The following DST variants were observed in gnomAD, a reference collection of about 807,000 sequenced individuals.
DST encodes the protein dystonin.
Under a neutral mutation model 875.2 loss-of-function variants are expected in DST, and 253 were observed. The observed-to-expected ratio is 0.29, with a 90% CI of 0.26 to 0.32. The LOEUF (loss-of-function observed/expected upper bound fraction) is 0.32. Among genes scored for constraint, DST ranks in the 10% least tolerant of loss-of-function variants. The pLI is 1.00. For synonymous variants in DST, 3,124 were observed against 3,197.1 expected, an observed-to-expected ratio of 0.98 and a Z score of 0.77; for missense variants, 8,287 against 9,111.6, an observed-to-expected ratio of 0.91 and a Z score of 3.68.
intron 31 of DST, 136 bp from the exon 32 acceptor site, chr6:56,629,579 C>T (rs2098760470): frequency 2.9e-6 from 2 of 701,492 alleles, no homozygotes. Flanking sequence ...CTTTCATATG[C>T]ACAATATTAT....
intron 2 of DST, among the ~76,000 whole-genome samples, chr6:56,926,497 G>A (rs1490676886): frequency 1.3e-5 from 2 of 152,178 alleles, no homozygotes; most frequent in Admixed American, 1.3e-4. Flanking sequence ...GAACCACTGT[G>A]TGAGGGAAGC....
intron 3 of DST, among the ~76,000 whole-genome samples, chr6:56,882,442 T>TCA (rs1230873596): frequency 6.6e-6 from 1 of 152,238 alleles, no homozygotes; most frequent in African/African-American, 2.4e-5. Flanking sequence ...TAAATAAAAT[T>TCA]CACAGATAAT....
At chr6:56,671,607 T>A (rs532533208) in intron 9 of DST, among the ~76,000 whole-genome samples, 62 of 152,352 alleles carry the variant, frequency 4.1e-4, no homozygotes, top group African/African-American at 1.4e-3. Context: ...AGCATCTCTT[T>A]GATAAGGGTC....
intron 4 of DST, among the ~76,000 whole-genome samples, chr6:56,825,502 T>TAA (rs749148452): frequency 0.051 from 5,577 of 109,242 alleles, 172 homozygotes; most frequent in Middle Eastern, 0.076. Context: ...CAATAAATAC[T>TAA]AAAAAAAAAA....
intron 90 of DST, among the ~76,000 whole-genome samples, chr6:56,480,178 C>T (rs891566613): frequency 6.6e-6 from 1 of 152,138 alleles, no homozygotes; most frequent in African/African-American, 2.4e-5. Flanking sequence ...AGTCAACGTT[C>T]AATTGACAGC....
rs749593296 is a variant in DST at position 56,529,672 on chromosome 6, C to T, written c.17371G>A (p.Val5791Met). The change falls in exon 66 of 104, where the codon GTG becomes ATG. Residue 5791 changes from valine to methionine, a missense_variant. Physicochemically the swap from Val to Met is conservative, Grantham distance 21. Around this residue, in one of 10 missense-constraint regions of DST, gnomAD observed 777 missense variants for 764.8 expected, o/e 1.02. Transcript: ENST00000680361. ...TGAGAGAAGTCTAATTTACTCTGCACCATATCTTTATCCTCCCTGGAGCTC... is the reference window on the plus strand; with the variant it reads ...TGAGAGAAGTCTAATTTACTCTGCATCATATCTTTATCCTCCCTGGAGCTC... ...VLSSREDKDM[V>M]QSKLDFSQVW... The T allele has an allele frequency of 1.9e-6, 3 of 1,613,726 alleles. No homozygotes were observed. Among genetic ancestry groups the T allele is most frequent in the South Asian group, 2.2e-5 (2 of 91,058 alleles).
intron 2 of DST, among the ~76,000 whole-genome samples, chr6:56,941,362 T>C (rs1402918486): frequency 6.6e-6 from 1 of 152,256 alleles, no homozygotes; most frequent in Non-Finnish European, 1.5e-5. Flanking sequence ...TTGGAGATAT[T>C]ACTGATTCCT....
intron 8 of DST, 128 bp downstream of exon 8, chr6:56,701,760 C>A (rs1243097282): frequency 1.7e-6 from 1 of 576,438 alleles, no homozygotes; most frequent in Non-Finnish European, 3.0e-6. Flanking sequence ...ATATTTGCTT[C>A]ACCAAAGCAC....
At position 56,482,851 on chromosome 6, in the gene DST, C is replaced by T. The variant is rs781409379; in HGVS notation, c.21234G>A (p.Arg7078=). The change falls in exon 89 of 104, where the codon AGG becomes AGA. Residue 7078 remains arginine, a synonymous_variant. Transcript: ENST00000680361. ...GCTTCAGGGCCTGCACACTGCTGGT[C>T]CTCTTCCCCAACTCTTTTTGGAAGG... is the stretch of plus-strand genomic sequence containing the variant. ...HKAFQKELGK[R]TSSVQALKRS... is the part of the protein sequence containing the mutation. 2 of 1,572,500 alleles carry T rather than the reference C, an allele frequency of 1.3e-6. No individual in the cohort carries two copies. Among genetic ancestry groups the T allele is most frequent in the East Asian group, 4.5e-5 (2 of 44,126 alleles).
intron 39 of DST, among the ~76,000 whole-genome samples, chr6:56,609,644 A>T (rs1168531331): frequency 6.6e-6 from 1 of 152,176 alleles, no homozygotes; most frequent in African/African-American, 2.4e-5. Context: ...GTAGATGATG[A>T]TAGTGAGAAA....
At chr6:56,582,742 C>A (rs1369918335) in intron 49 of DST, among the ~76,000 whole-genome samples, 2 of 151,998 alleles carry the variant, frequency 1.3e-5, no homozygotes, top group East Asian at 3.9e-4. Context: ...CTATCTCTCC[C>A]CCCTACCCCC....
At chr6:56,738,247 G>T (rs2099533479) in intron 4 of DST, among the ~76,000 whole-genome samples, 3 of 152,240 alleles carry the variant, frequency 2.0e-5, no homozygotes, top group Admixed American at 1.3e-4. Context: ...TTAAAAATTA[G>T]ATAAAGGGGT....
Position 56,608,228 on chromosome 6 carries a change from T to A in DST, c.6400A>T (p.Thr2134Ser). The A allele has an allele frequency of 6.2e-7, 1 of 1,613,714 alleles. No individual in the cohort carries two copies. The highest frequency in any genetic ancestry group is 2.2e-5 in the East Asian group (1 of 44,876). Residue 2134 changes from threonine (T) to serine (S), a missense_variant, in exon 40 of 104, where the codon ACA becomes TCA. Physicochemically the swap from Thr to Ser is moderately conservative, Grantham distance 58. This residue lies in a region of DST where 3,138 missense variants were observed against 3,116.6 expected (regional missense o/e 1.01). Transcript: ENST00000680361. Reference protein sequence around the residue: ...AKQLGIIDNNTASILKNITLP... With the variant: ...AKQLGIIDNNSASILKNITLP... The stretch of plus-strand genomic sequence containing the variant: ...GTTATATTTTTTAAAATTGATGCTG[T>A]GTTGTTGTCTATAATTCCTAGCTGT...
At chr6:56,489,804 T>C (rs957601680) in intron 85 of DST, among the ~76,000 whole-genome samples, 195 bp from the exon 86 acceptor site, 4 of 152,214 alleles carry the variant, frequency 2.6e-5, no homozygotes, top group East Asian at 1.9e-4. Flanking sequence ...TTAGCATTTG[T>C]GGCTGTGCCC....
chr6:56,794,356 A>G (rs910990078), intron 4 of DST, among the ~76,000 whole-genome samples: 4 of 152,198 alleles, frequency 2.6e-5, no homozygotes, highest in African/African-American at 4.8e-5. Context: ...CTGAAAACAC[A>G]TTACGTTGAC....
At chr6:56,901,645 CTG>C (rs58072124) in intron 2 of DST, among the ~76,000 whole-genome samples, 5 of 151,004 alleles carry the variant, frequency 3.3e-5, no homozygotes, top group African/African-American at 4.9e-5. Flanking sequence ...GTGTGTGTAT[CTG>C]TGTGTGTGTG....
intron 97 of DST, among the ~76,000 whole-genome samples, chr6:56,469,632 T>A (rs1224924343): frequency 6.6e-6 from 1 of 152,142 alleles, no homozygotes; most frequent in Non-Finnish European, 1.5e-5. Context: ...GATTTGAGTA[T>A]TTTCTTGTGA....
intron 53 of DST, among the ~76,000 whole-genome samples, chr6:56,570,584 A>G (rs989729379): frequency 6.6e-6 from 1 of 152,164 alleles, no homozygotes; most frequent in Non-Finnish European, 1.5e-5. Flanking sequence ...GCAGCTGTAA[A>G]TACAGATGAA....
chr6:56,525,459 G>C (rs1043803224), intron 69 of DST, among the ~76,000 whole-genome samples: 1 of 152,170 alleles, frequency 6.6e-6, no homozygotes, highest in Admixed American at 6.5e-5. Context: ...ATGAGGAGCA[G>C]AACATTATGC....
Sources: gnomAD v4.1 joint callset for allele counts (sites outside exome capture counted in the v4.1 genomes callset) on GRCh38, gnomAD v4.1.1 for gene constraint, gnomAD v4.1.1 regional missense constraint, MANE v1.5 for transcripts, NCBI Gene and HGNC (gene_info 2026-07-23, HGNC 2026-07-21) for gene names.